The following CSMD1 variants were observed in gnomAD, a reference collection of about 807,000 sequenced individuals.
CSMD1 encodes the protein CUB and sushi domain-containing protein 1.
Under a neutral mutation model 417.5 loss-of-function variants are expected in CSMD1, and 213 were observed. That is an observed-to-expected ratio of 0.51 (90% CI 0.46 to 0.57). The LOEUF is 0.57. CSMD1 is among the 20% of genes least tolerant of loss of function. The pLI is 0.00. For missense variants in CSMD1, 6,923 were observed against 4,529.7 expected, an observed-to-expected ratio of 1.53 and a Z score of -15.17; for synonymous variants, 2,862 against 1,736.8, an observed-to-expected ratio of 1.65 and a Z score of -16.11.
chr8:3,097,547 A>G (rs370677829), intron 46 of CSMD1, among the ~76,000 whole-genome samples: 2 of 152,220 alleles, frequency 1.3e-5, no homozygotes, highest in African/African-American at 4.8e-5. Context: ...TTCTGGTGCA[A>G]TCACATCATA....
intron 3 of CSMD1, among the ~76,000 whole-genome samples, chr8:4,150,697 C>A (rs1433879328): frequency 6.6e-6 from 1 of 152,100 alleles, no homozygotes; most frequent in African/African-American, 2.4e-5. Flanking sequence ...TGGTTTAGAA[C>A]CTTAGGGTGT....
chr8:3,865,738 A>C (rs1272849266), intron 5 of CSMD1, among the ~76,000 whole-genome samples: 2 of 152,178 alleles, frequency 1.3e-5, no homozygotes, highest in Non-Finnish European at 2.9e-5. Context: ...CACAGCTTAC[A>C]TGCTAATGGA....
chr8:4,229,028 G>A (rs183481288), intron 3 of CSMD1, among the ~76,000 whole-genome samples: 1 of 152,106 alleles, frequency 6.6e-6, no homozygotes, highest in African/African-American at 2.4e-5. Flanking sequence ...ACATATATCC[G>A]ACTGTCTTCT....
chr8:3,313,614 GA>G (rs1236892746), intron 23 of CSMD1, among the ~76,000 whole-genome samples: 2 of 152,126 alleles, frequency 1.3e-5, no homozygotes, highest in Non-Finnish European at 2.9e-5. Flanking sequence ...AAAAAGTCAG[GA>G]AACAACAGGT....
At position 4,992,324 on chromosome 8, in the gene CSMD1, G is replaced by T. The variant is rs1811513771; in HGVS notation, c.85+2008C>A. Among the ~76,000 whole-genome samples, 6 of 152,208 alleles carry T rather than the reference G, an allele frequency of 3.9e-5. No individual in the cohort carries two copies. The South Asian group carries it at 1.2e-3, about 31-fold the overall frequency. ...CGTGTGCGGATTATTAAGCAGCCGA[G>T]CTAGGGCCGCCGCGGTCTCCACGCA... On this transcript the variant is annotated intron_variant, in intron 1 of 69. Transcript: ENST00000635120.
At chr8:3,274,756 C>T (rs1475361244) in intron 26 of CSMD1, among the ~76,000 whole-genome samples, 1 of 152,074 alleles carries the variant, frequency 6.6e-6, no homozygotes, top group Non-Finnish European at 1.5e-5. Flanking sequence ...GCAACCCCTG[C>T]CTTTTTTTGT....
chr8:4,848,584 G>A (rs1301756247), intron 1 of CSMD1, among the ~76,000 whole-genome samples: 1 of 151,714 alleles, frequency 6.6e-6, no homozygotes, highest in Admixed American at 6.6e-5. Flanking sequence ...TGTCACCCAG[G>A]CCTGCGGTGC....
At chr8:3,651,574 T>C (rs1430565895) in intron 7 of CSMD1, among the ~76,000 whole-genome samples, 2 of 152,092 alleles carry the variant, frequency 1.3e-5, no homozygotes, top group Non-Finnish European at 2.9e-5. Flanking sequence ...GGCCACCACA[T>C]CTAGAACACT....
At chr8:4,129,117 ATTG>A (rs1802941411) in intron 3 of CSMD1, among the ~76,000 whole-genome samples, 1 of 149,288 alleles carries the variant, frequency 6.7e-6, no homozygotes, top group South Asian at 2.2e-4. Context: ...CAGAATTTTT[ATTG>A]TTGTTGTTGC....
At position 3,408,801 on chromosome 8, in the gene CSMD1, A is replaced by C. The variant is rs542354069; in HGVS notation, c.1745-576T>G. Among the ~76,000 whole-genome samples the C allele has an allele frequency of 7.2e-5, 11 of 152,194 alleles. No homozygotes were observed. In the East Asian group the frequency reaches 2.1e-3, roughly 29 times the overall value. On this transcript the variant is annotated intron_variant, in intron 13 of 69. Coordinates refer to ENST00000635120, the MANE Select transcript of CSMD1 (RefSeq NM_033225.6). ...ATGTGTACTTAAAATCATATATATTATATAAATAATTTTTTGGAGGGAGAA... is the reference window on the plus strand; with the variant it reads ...ATGTGTACTTAAAATCATATATATTCTATAAATAATTTTTTGGAGGGAGAA...
In CSMD1 at chr8:4,470,589, G is replaced by A. The variant is rs150630159; in HGVS notation, c.303-50524C>T. 2.0e-3 allele frequency among the ~76,000 whole-genome samples: 304 copies of A among 152,252 alleles called. 1 individual carries two copies. The highest frequency in any genetic ancestry group is 7.0e-3 in the African/African-American group (292 of 41,536). ...GAATGTACAACCAAATAATATAACT[G>A]CCAAACACTGGTCTAAGAGCTCATA... On this transcript the variant is annotated intron_variant, in intron 2 of 69. Coordinates refer to ENST00000635120, the MANE Select transcript of CSMD1 (RefSeq NM_033225.6).
intron 3 of CSMD1, among the ~76,000 whole-genome samples, chr8:4,072,257 G>C (rs1181784749): frequency 2.0e-5 from 3 of 152,124 alleles, no homozygotes; most frequent in Non-Finnish European, 4.4e-5. Context: ...TCCCATAGGA[G>C]TTTATTTGGC....
At chr8:3,792,673 C>T (rs546504026) in intron 5 of CSMD1, among the ~76,000 whole-genome samples, 2 of 152,242 alleles carry the variant, frequency 1.3e-5, no homozygotes, top group South Asian at 2.1e-4. Flanking sequence ...AAAACAGAGA[C>T]CGCAATCATG....
chr8:4,954,319 G>A (rs754994421), intron 1 of CSMD1, among the ~76,000 whole-genome samples: 7 of 152,122 alleles, frequency 4.6e-5, no homozygotes, highest in African/African-American at 7.2e-5. Context: ...AATAAAGGAA[G>A]CTTGTTATTT....
chr8:3,417,906 A>G (rs117147186), intron 12 of CSMD1, among the ~76,000 whole-genome samples: 63 of 152,302 alleles, frequency 4.1e-4, no homozygotes, highest in African/African-American at 1.3e-3. Context: ...TGAAAACCAT[A>G]TGACACAGCA....
chr8:3,895,390 T>C (rs1807291458), intron 5 of CSMD1, among the ~76,000 whole-genome samples: 1 of 152,138 alleles, frequency 6.6e-6, no homozygotes, highest in African/African-American at 2.4e-5. Flanking sequence ...TTAAATGAAA[T>C]ACTGTGTGAT....
At chr8:4,262,320 C>A (rs961173871) in intron 3 of CSMD1, among the ~76,000 whole-genome samples, 10 of 152,128 alleles carry the variant, frequency 6.6e-5, no homozygotes, top group African/African-American at 2.4e-4. Context: ...GGCACTAGCC[C>A]TGCCTCTTTT....
At chr8:4,792,227 T>C (rs1797730666) in intron 1 of CSMD1, among the ~76,000 whole-genome samples, 2 of 152,160 alleles carry the variant, frequency 1.3e-5, no homozygotes, top group South Asian at 4.1e-4. Context: ...AGAGATTAAA[T>C]GTATAGAACT....
chr8:4,446,936 T>TAAAA (rs74569596), intron 2 of CSMD1, among the ~76,000 whole-genome samples: 1 of 141,882 alleles, frequency 7.0e-6, no homozygotes, highest in Non-Finnish European at 1.5e-5. Flanking sequence ...CGTGTTTATT[T>TAAAA]AAAAAAAAAA....
Sources: gnomAD v4.1 joint callset for allele counts (sites outside exome capture counted in the v4.1 genomes callset) on GRCh38, gnomAD v4.1.1 for gene constraint, MANE v1.5 for transcripts, NCBI Gene and HGNC (gene_info 2026-07-23, HGNC 2026-07-21) for gene names.